The following LPP variants were observed in gnomAD, a reference collection of about 807,000 sequenced individuals.
LPP encodes the protein LIM domain containing preferred translocation partner in lipoma.
A neutral mutation model predicts 60.4 loss-of-function variants in LPP; 38 were observed. The ratio of observed to expected loss-of-function variants is 0.63; its 90% CI spans 0.49 to 0.83. The LOEUF (loss-of-function observed/expected upper bound fraction) is 0.83, where lower values mean the gene tolerates loss of function less well. LPP is among the 40% of genes least tolerant of loss of function. The pLI is 0.00. For synonymous variants in LPP, 328 were observed against 290.8 expected, an observed-to-expected ratio of 1.13 and a Z score of -1.30; for missense variants, 902 against 783.6, an observed-to-expected ratio of 1.15 and a Z score of -1.80.
intron 4 of LPP, among the ~76,000 whole-genome samples, chr3:188,474,439 T>C (rs1802665257): frequency 2.6e-5 from 2 of 77,812 alleles, no homozygotes; most frequent in Non-Finnish European, 6.1e-5. Flanking sequence ...GTTCCCTCTA[T>C]AGCCAAAGAC....
At chr3:188,669,546 A>C (rs1434396372) in intron 7 of LPP, among the ~76,000 whole-genome samples, 2 of 152,190 alleles carry the variant, frequency 1.3e-5, no homozygotes, top group Non-Finnish European at 2.9e-5. Flanking sequence ...ACTGCACTCC[A>C]GCCTGGGTGA....
chr3:188,721,475 G>A (rs1334532638), intron 8 of LPP, among the ~76,000 whole-genome samples: 1 of 152,138 alleles, frequency 6.6e-6, no homozygotes, highest in Admixed American at 6.5e-5. Context: ...GATCACTTAA[G>A]CACTGGAGGT....
intron 7 of LPP, among the ~76,000 whole-genome samples, chr3:188,627,165 A>G (rs1321956189): frequency 6.6e-6 from 1 of 152,190 alleles, no homozygotes; most frequent in Non-Finnish European, 1.5e-5. Flanking sequence ...TAAGCATGAA[A>G]GACTGTTACC....
intron 2 of LPP, among the ~76,000 whole-genome samples, chr3:188,275,655 T>C (rs1357453519): frequency 6.6e-6 from 1 of 151,534 alleles, no homozygotes; most frequent in Non-Finnish European, 1.5e-5. Flanking sequence ...TTAGCTATTA[T>C]TTATTGAGCA....
intron 7 of LPP, among the ~76,000 whole-genome samples, chr3:188,669,917 G>A (rs964422618): frequency 2.6e-5 from 4 of 152,196 alleles, no homozygotes; most frequent in Non-Finnish European, 5.9e-5. Flanking sequence ...GGAATACTAA[G>A]CAGCCATAAA....
intron 4 of LPP, among the ~76,000 whole-genome samples, chr3:188,421,324 A>G (rs1434029020): frequency 6.6e-6 from 1 of 152,190 alleles, no homozygotes; most frequent in South Asian, 2.1e-4. Flanking sequence ...TAGCTTGGGT[A>G]GAAAGAAAAA....
chr3:188,465,126 G>A lies in LPP; in HGVS notation c.194-19466G>A, dbSNP rs375098972. Among the ~76,000 whole-genome samples, 218 of 152,186 alleles carry A rather than the reference G, an allele frequency of 1.4e-3. 9 individuals carry two copies. The South Asian group carries it at 0.044, about 31-fold the overall frequency. On this transcript the variant is annotated intron_variant, in intron 4 of 11. Coordinates refer to ENST00000617246, the MANE Select transcript of LPP (RefSeq NM_001375462.1). ...ACAGTGTGATATTCTCTGGGAATTT[G>A]TTATTTTATGAATGTTCCTGACTGA... is the stretch of plus-strand genomic sequence containing the variant.
intron 7 of LPP, among the ~76,000 whole-genome samples, chr3:188,687,775 C>CTTTTTTTTTTTTTTTTTTTT (rs61574227): frequency 9.4e-5 from 12 of 127,118 alleles, no homozygotes; most frequent in Non-Finnish European, 1.6e-4. Context: ...GTCTTATACT[C>CTTTTTTTTTTTTTTTTTTTT]TTTTTTTTTT....
chr3:188,601,692 T>C (rs1237187794), intron 6 of LPP, among the ~76,000 whole-genome samples: 1 of 152,158 alleles, frequency 6.6e-6, no homozygotes. Context: ...CTACAATAAC[T>C]TGCATTTAAA....
Position 188,394,580 on chromosome 3 carries a change from GTGTA to G in LPP, c.-9-11526_-9-11523del, listed in dbSNP as rs1157148138. ...TGTGTGTGTGTGTGTGTGTGTGTGTGTGTATGTATTTGTGTTTTATTTCCCCAGA... is the reference window on the plus strand; with the variant it reads ...TGTGTGTGTGTGTGTGTGTGTGTGTGTGTATTTGTGTTTTATTTCCCCAGA... On this transcript the variant is annotated intron_variant, in intron 3 of 11. Transcript: ENST00000617246. Among the ~76,000 whole-genome samples, 1,290 of 151,656 alleles carry G rather than the reference GTGTA, an allele frequency of 8.5e-3. 20 individuals are homozygous for G. The highest frequency in any genetic ancestry group is 0.029 in the African/African-American group (1,211 of 41,262).
chr3:188,673,476 A>T (rs1390017457), intron 7 of LPP, among the ~76,000 whole-genome samples: 1 of 152,190 alleles, frequency 6.6e-6, no homozygotes, highest in Non-Finnish European at 1.5e-5. Context: ...GCACTTTCTC[A>T]ATACTTCCCC....
chr3:188,408,599 G>A (rs1361159870), intron 4 of LPP, among the ~76,000 whole-genome samples: 1 of 152,040 alleles, frequency 6.6e-6, no homozygotes, highest in African/African-American at 2.4e-5. Flanking sequence ...TCCCTTTCCC[G>A]AGTTTCCACA....
intron 3 of LPP, among the ~76,000 whole-genome samples, chr3:188,381,311 CCTTCT>C (rs1776820591): frequency 6.6e-6 from 1 of 152,188 alleles, no homozygotes; most frequent in Admixed American, 6.5e-5. Flanking sequence ...CCTTCTTACC[CCTTCT>C]CTTCTTTCCT....
At position 188,881,223 on chromosome 3, in the gene LPP, A is replaced by AT. The variant is rs1769977876; in HGVS notation, c.*6745dup. 1.7e-5 allele frequency: 3 copies of AT among 180,148 alleles called. No individual in the cohort carries two copies. The South Asian group carries it at 6.0e-4, about 36-fold the overall frequency. The allele number at this position is 180,148 out of a possible 1,614,324, so 11.2% of individuals were successfully genotyped here. On this transcript the variant is annotated 3_prime_UTR_variant, in exon 12 of 12. Transcript: ENST00000617246. ...TATTTTCCTGATGAATCACCATCCC[A>AT]TATCTTCTTAGTCCTGGCCAGTATG...
intron 9 of LPP, among the ~76,000 whole-genome samples, chr3:188,814,755 A>G (rs774806179): frequency 2.6e-5 from 4 of 152,204 alleles, no homozygotes; most frequent in Non-Finnish European, 5.9e-5. Context: ...GCTCTTAGAA[A>G]ACAAAAGCAA....
intron 3 of LPP, among the ~76,000 whole-genome samples, chr3:188,342,029 T>C (rs753477591): frequency 6.6e-5 from 10 of 152,212 alleles, no homozygotes; most frequent in Admixed American, 2.6e-4. Context: ...AGAATGTGCT[T>C]AACCATTATT....
At chr3:188,452,446 G>A (rs899101614) in intron 4 of LPP, among the ~76,000 whole-genome samples, 11 of 152,116 alleles carry the variant, frequency 7.2e-5, no homozygotes, top group African/African-American at 2.4e-4. Flanking sequence ...TTGCTCATTC[G>A]ATATTGTCAG....
intron 3 of LPP, among the ~76,000 whole-genome samples, chr3:188,381,423 G>A (rs895381929): frequency 5.9e-5 from 9 of 152,018 alleles, no homozygotes; most frequent in African/African-American, 1.4e-4. Flanking sequence ...TGGAATTATT[G>A]GTAATTGTGT....
At chr3:188,773,417 A>G (rs1364701189) in intron 9 of LPP, among the ~76,000 whole-genome samples, 1 of 151,592 alleles carries the variant, frequency 6.6e-6, no homozygotes, top group Non-Finnish European at 1.5e-5. Flanking sequence ...AGTATGGGGA[A>G]ATAAGACAAG....
Sources: allele counts gnomAD v4.1 joint callset (sites outside exome capture counted in the v4.1 genomes callset), GRCh38; gene constraint gnomAD v4.1.1; transcripts MANE v1.5; gene names NCBI Gene and HGNC (gene_info 2026-07-23, HGNC 2026-07-21).